MEIS2: variants seen among roughly 807,000 people sequenced by gnomAD.
MEIS2 encodes the protein homeobox protein Meis2.
In MEIS2, 9 loss-of-function variants were observed where a neutral mutation model predicts 58.6. The ratio of observed to expected loss-of-function variants is 0.15; its 90% CI spans 0.09 to 0.27. The LOEUF (loss-of-function observed/expected upper bound fraction) is 0.27. Ranked by LOEUF, MEIS2 falls within the 10% of genes least tolerant of loss-of-function variation. MEIS2 has a pLI of 1.00. For missense variants in MEIS2, 427 were observed against 635.0 expected (o/e 0.67, Z 3.52); for synonymous variants, 221 against 228.4 (o/e 0.97, Z 0.29).
At chr15:37,080,416 T>C (rs1466242939) in intron 7 of MEIS2, among the ~76,000 whole-genome samples, 1 of 152,138 alleles carries the variant, frequency 6.6e-6, no homozygotes, top group Non-Finnish European at 1.5e-5. Context: ...TCAGCGTTAA[T>C]GGGAGCTACA....
chr15:37,066,916 C>T (rs1174951930), intron 7 of MEIS2, among the ~76,000 whole-genome samples: 1 of 151,538 alleles, frequency 6.6e-6, no homozygotes, highest in African/African-American at 2.4e-5. Flanking sequence ...AGAGCTGGGA[C>T]TATAGGTGCA....
chr15:37,092,434 C>T (rs988597737), intron 6 of MEIS2, among the ~76,000 whole-genome samples: 2 of 152,064 alleles, frequency 1.3e-5, no homozygotes, highest in African/African-American at 2.4e-5. Context: ...GCCTTCAAGC[C>T]TTAATGCCTG....
intron 8 of MEIS2, among the ~76,000 whole-genome samples, chr15:37,002,190 T>A (rs1428085854): frequency 6.6e-6 from 1 of 152,158 alleles, no homozygotes; most frequent in Non-Finnish European, 1.5e-5. Flanking sequence ...TCAGCCTTGA[T>A]GGAAGCAATG....
intron 8 of MEIS2, among the ~76,000 whole-genome samples, chr15:36,997,348 AC>A (rs1308007547): frequency 5.3e-5 from 8 of 152,224 alleles, no homozygotes; most frequent in African/African-American, 1.9e-4. Context: ...ACTGCTTTCC[AC>A]CTTTTTTGAG....
intron 8 of MEIS2, among the ~76,000 whole-genome samples, chr15:37,000,628 C>A (rs898315410): frequency 7.2e-5 from 11 of 152,078 alleles, no homozygotes; most frequent in African/African-American, 2.7e-4. Flanking sequence ...AAGAGCCATT[C>A]TTCCACGTTG....
intron 7 of MEIS2, among the ~76,000 whole-genome samples, chr15:37,070,728 T>C (rs1416483649): frequency 6.6e-6 from 1 of 152,132 alleles, no homozygotes; most frequent in African/African-American, 2.4e-5. Context: ...GTGTTAATAA[T>C]TGCAACAATG....
At chr15:36,894,553 C>T (rs2056067042) in intron 11 of MEIS2, 1 of 535,694 alleles carries the variant, frequency 1.9e-6, no homozygotes, top group Admixed American at 3.2e-5. Flanking sequence ...ACATCAGTGT[C>T]ATCTGTGACT....
At chr15:37,083,403 G>T (rs1324671800) in intron 7 of MEIS2, among the ~76,000 whole-genome samples, 1 of 152,140 alleles carries the variant, frequency 6.6e-6, no homozygotes, top group Non-Finnish European at 1.5e-5. Context: ...GCTTATAGTT[G>T]ATATTACAGG....
chr15:37,059,281 T>C (rs1202912037), intron 7 of MEIS2, among the ~76,000 whole-genome samples: 12 of 152,216 alleles, frequency 7.9e-5, no homozygotes, highest in East Asian at 1.9e-4. Context: ...AGCTCTCACA[T>C]GCAATCCAGA....
At chr15:36,932,967 C>G (rs2058036159) in intron 9 of MEIS2, among the ~76,000 whole-genome samples, 1 of 152,134 alleles carries the variant, frequency 6.6e-6, no homozygotes. Context: ...AGTGAGTAAA[C>G]AAATGAGAAC....
intron 8 of MEIS2, among the ~76,000 whole-genome samples, chr15:37,031,290 G>A (rs1339353084): frequency 5.3e-5 from 8 of 152,042 alleles, no homozygotes; most frequent in Non-Finnish European, 1.2e-4. Flanking sequence ...CTCGACATTG[G>A]ACTGCCTCAT....
At chr15:36,905,489 G>C (rs2056687141) in intron 9 of MEIS2, among the ~76,000 whole-genome samples, 1 of 151,996 alleles carries the variant, frequency 6.6e-6, no homozygotes, top group South Asian at 2.1e-4. Flanking sequence ...TCACAGAATT[G>C]TATTCATAGA....
chr15:36,976,343 C>G (rs1450583381), intron 8 of MEIS2, among the ~76,000 whole-genome samples: 1 of 152,018 alleles, frequency 6.6e-6, no homozygotes, highest in East Asian at 1.9e-4. Context: ...CTTGGCCTCC[C>G]AAAGTGCTGG....
intron 8 of MEIS2, among the ~76,000 whole-genome samples, chr15:37,024,758 G>A (rs527429062): frequency 5.9e-5 from 9 of 152,258 alleles, no homozygotes; most frequent in Non-Finnish European, 7.4e-5. Context: ...CTATGAGATC[G>A]CCATTTAGAG....
intron 7 of MEIS2, among the ~76,000 whole-genome samples, chr15:37,052,620 C>T (rs1245351119): frequency 6.6e-6 from 1 of 152,166 alleles, no homozygotes; most frequent in Non-Finnish European, 1.5e-5. Flanking sequence ...CCAAGTGATC[C>T]ATCTGACTTT....
intron 9 of MEIS2, among the ~76,000 whole-genome samples, chr15:36,941,980 A>G (rs1477857120): frequency 6.6e-6 from 1 of 152,204 alleles, no homozygotes; most frequent in Non-Finnish European, 1.5e-5. Flanking sequence ...GGAGGTCGAC[A>G]TTAAACAGCC....
At chr15:36,997,048 TAAAAAGC>T (rs1262653094) in intron 8 of MEIS2, among the ~76,000 whole-genome samples, 1 of 152,162 alleles carries the variant, frequency 6.6e-6, no homozygotes, top group African/African-American at 2.4e-5. Flanking sequence ...AAGTTCAGGG[TAAAAAGC>T]ATTGTATAGG....
In MEIS2 at chr15:37,098,382, GAGA is replaced by G. The variant is rs766579683; in HGVS notation, c.13-186_13-184del. ...GAGGAGGAAAAGGAGGAGAGGGGGAGAGAGAGAGAGAGAGAGAGAGAGAGAGAG... is the reference window on the plus strand; with the variant it reads ...GAGGAGGAAAAGGAGGAGAGGGGGAGGAGAGAGAGAGAGAGAGAGAGAGAG... On this transcript the variant is annotated intron_variant, in intron 1 of 11. Coordinates refer to ENST00000561208, the MANE Select transcript of MEIS2 (RefSeq NM_170675.5). 5.9e-3 allele frequency: 3,294 copies of G among 556,896 alleles called. 70 individuals carry two copies. Among genetic ancestry groups the G allele is most frequent in the Admixed American group, 0.017 (167 of 9,966 alleles). 34.5% of individuals were successfully genotyped at this position (556,896 alleles called of 1,614,324 possible). A position where few individuals can be genotyped will look rare whatever the true frequency, so the allele number is the denominator to read the frequency against.
At chr15:37,042,485 G>C (rs1233227320) in intron 7 of MEIS2, among the ~76,000 whole-genome samples, 1 of 152,144 alleles carries the variant, frequency 6.6e-6, no homozygotes, top group Non-Finnish European at 1.5e-5. Context: ...AGCTACACAT[G>C]GTCAAGGATA....
Sources: gnomAD v4.1 joint callset for allele counts (sites outside exome capture counted in the v4.1 genomes callset) on GRCh38, gnomAD v4.1.1 for gene constraint, MANE v1.5 for transcripts, NCBI Gene and HGNC (gene_info 2026-07-23, HGNC 2026-07-21) for gene names.